Variants in BCAR3 observed in about 807,000 individuals in gnomAD.
The protein encoded by BCAR3 is BCAR3 adaptor protein, NSP family member.
A neutral mutation model predicts 80.1 loss-of-function variants in BCAR3; 37 were observed. The ratio of observed to expected loss-of-function variants is 0.46; its 90% confidence interval spans 0.36 to 0.61. The LOEUF (loss-of-function observed/expected upper bound fraction) is 0.61, where lower values mean the gene tolerates loss of function less well. Ranked by LOEUF, BCAR3 falls within the 20% of genes least tolerant of loss-of-function variation. The pLI, the probability that BCAR3 is intolerant of heterozygous loss-of-function variation, is 0.00. For missense variants in BCAR3, 978 were observed against 1,068.2 expected (o/e 0.92, Z 1.18); for synonymous variants, 389 against 418.9 (o/e 0.93, Z 0.87).
chr1:93,594,607 C>T (rs556778874), intron 3 of BCAR3: 6 of 152,276 alleles, frequency 3.9e-5, no homozygotes, highest in Non-Finnish European at 7.3e-5. Flanking sequence ...TGGGTGTTCC[C>T]GTCACTGGCA....
chr1:93,587,900 C>T (rs527676491), intron 5 of BCAR3, among the ~76,000 whole-genome samples: 1 of 152,190 alleles, frequency 6.6e-6, no homozygotes, highest in Non-Finnish European at 1.5e-5. Context: ...GAAAGACGGG[C>T]CCTATACAAA....
chr1:93,662,361 G>A (rs1647701388), intron 2 of BCAR3, among the ~76,000 whole-genome samples: 1 of 152,050 alleles, frequency 6.6e-6, no homozygotes, highest in Non-Finnish European at 1.5e-5. Context: ...ACTTTCATTT[G>A]TAATGAATGG....
rs1458721907 is a variant in BCAR3 at position 93,562,061 on chromosome 1, C to T, written c.*180G>A. 12 of 514,342 alleles carry T rather than the reference C, an allele frequency of 2.3e-5. No homozygotes were observed. The highest frequency in any genetic ancestry group is 2.2e-4 in the African/African-American group (11 of 51,000). The allele number at this position is 514,342 out of a possible 1,614,324, so 31.9% of individuals were successfully genotyped here. ...TTATTCATTTTAAAATCAGTAGTAA[C>T]TTTAGACAATTCATAAATAAGTGTG... On this transcript the variant is annotated 3_prime_UTR_variant, in exon 12 of 12. Coordinates refer to ENST00000260502, the MANE Select transcript of BCAR3 (RefSeq NM_003567.4).
At chr1:93,785,481 C>G (rs1386367944) in intron 2 of BCAR3, among the ~76,000 whole-genome samples, 1 of 152,084 alleles carries the variant, frequency 6.6e-6, no homozygotes, top group East Asian at 1.9e-4. Flanking sequence ...GCCAGAAATT[C>G]AAATACGTAA....
chr1:93,582,444 A>G lies in BCAR3; in HGVS notation c.1543T>C (p.Phe515Leu), dbSNP rs762678929. The change falls in exon 7 of 12, where the codon TTC becomes CTC. Residue 515 changes from phenylalanine to leucine, a missense_variant. By Grantham distance (22) the Phe-to-Leu change is conservative. Coordinates refer to ENST00000260502, the MANE Select transcript of BCAR3 (RefSeq NM_003567.4). ...TTTGACTCAAACTCGTTGGGCCTGA[A>G]GGAGGAGACAGTCTCCAGGAGGGGC... Reference protein sequence around the residue: ...VTPLLETVSSFRPNEFESKFL... With the variant: ...VTPLLETVSSLRPNEFESKFL... The G allele has an allele frequency of 1.9e-6, 3 of 1,614,058 alleles. No homozygotes were observed. The highest frequency in any genetic ancestry group is 1.3e-5 in the African/African-American group (1 of 74,930).
intron 2 of BCAR3, among the ~76,000 whole-genome samples, chr1:93,719,241 T>C (rs1650297506): frequency 6.6e-6 from 1 of 151,828 alleles, no homozygotes; most frequent in African/African-American, 2.4e-5. Context: ...TGGTTGATGC[T>C]CCATGTTGTA....
chr1:93,691,054 G>A (rs1246315833), intron 3 of BCAR3, among the ~76,000 whole-genome samples: 38 of 152,240 alleles, frequency 2.5e-4, no homozygotes, highest in Admixed American at 2.4e-3. Flanking sequence ...GTCATTCTGG[G>A]GTAAAATATC....
chr1:93,563,105 GT>G (rs148286265), intron 11 of BCAR3, among the ~76,000 whole-genome samples: 180 of 152,272 alleles, frequency 1.2e-3, no homozygotes, highest in African/African-American at 4.2e-3. Flanking sequence ...TGATTCACCT[GT>G]TTTTGGCTGT....
chr1:93,589,033 G>A lies in BCAR3; in HGVS notation c.873C>T (p.Leu291=). 6.2e-7 allele frequency: 1 copy of A among 1,605,610 alleles called. No individual in the cohort carries two copies. The highest frequency in any genetic ancestry group is 1.1e-5 in the South Asian group (1 of 90,622). The change falls in exon 5 of 12, where the codon CTC becomes CTT. Residue 291 remains leucine (L), a synonymous_variant. Coordinates refer to ENST00000260502, the MANE Select transcript of BCAR3 (RefSeq NM_003567.4). ...GRPDVAKRLS[L]TMGGVQAREQ... The stretch of plus-strand genomic sequence containing the variant: ...CTCGGGCCTGGACGCCACCCATGGT[G>A]AGGCTCAGCCTCTTGGCCACATCCG...
At chr1:93,669,967 A>T (rs1018295123) in intron 2 of BCAR3, among the ~76,000 whole-genome samples, 5 of 152,168 alleles carry the variant, frequency 3.3e-5, no homozygotes, top group Admixed American at 6.5e-5. Context: ...GGGATAAAAG[A>T]CTACAAATAG....
intron 5 of BCAR3, among the ~76,000 whole-genome samples, chr1:93,585,413 T>C (rs555492413): frequency 6.6e-6 from 1 of 152,314 alleles, no homozygotes; most frequent in South Asian, 2.1e-4. Context: ...AACAGAAAAG[T>C]GGCTCTATTA....
chr1:93,719,355 T>TC (rs1650307473), intron 2 of BCAR3, among the ~76,000 whole-genome samples: 1 of 144,246 alleles, frequency 6.9e-6, no homozygotes, highest in African/African-American at 2.6e-5. Flanking sequence ...TTTTTTTTTT[T>TC]TTTTGAGACA....
At chr1:93,797,088 A>G (rs1265852374) in intron 2 of BCAR3, among the ~76,000 whole-genome samples, 1 of 152,158 alleles carries the variant, frequency 6.6e-6, no homozygotes, top group Non-Finnish European at 1.5e-5. Context: ...CTGCATCCAA[A>G]ACGACTGGCC....
chr1:93,781,180 A>G (rs1652749913), intron 2 of BCAR3, among the ~76,000 whole-genome samples: 1 of 152,282 alleles, frequency 6.6e-6, no homozygotes, highest in Admixed American at 6.5e-5. Context: ...AAGACAATAC[A>G]AAAGAAACAA....
intron 11 of BCAR3, among the ~76,000 whole-genome samples, chr1:93,565,106 T>A (rs1341482520): frequency 3.3e-5 from 5 of 152,164 alleles, no homozygotes; most frequent in African/African-American, 1.2e-4. Context: ...GTGACTTTTT[T>A]TTTTTTTGAG....
At chr1:93,573,707 C>T (rs944692041) in intron 8 of BCAR3, among the ~76,000 whole-genome samples, 2 of 150,890 alleles carry the variant, frequency 1.3e-5, no homozygotes, top group Non-Finnish European at 2.9e-5. Flanking sequence ...TGGCTCACTG[C>T]AGCCTTGACC....
intron 2 of BCAR3, among the ~76,000 whole-genome samples, chr1:93,715,410 T>A (rs140216896): frequency 6.6e-6 from 1 of 152,314 alleles, no homozygotes; most frequent in Non-Finnish European, 1.5e-5. Context: ...CCCTTTGCAG[T>A]AGGCAGGACC....
chr1:93,664,398 C>G (rs1222110149), intron 2 of BCAR3, among the ~76,000 whole-genome samples: 3 of 152,196 alleles, frequency 2.0e-5, no homozygotes, highest in African/African-American at 7.2e-5. Context: ...GGATTACAGG[C>G]GTGAGCCACC....
intron 5 of BCAR3, among the ~76,000 whole-genome samples, chr1:93,587,782 C>T (rs1674008784): frequency 6.6e-6 from 1 of 151,548 alleles, no homozygotes; most frequent in African/African-American, 2.4e-5. Flanking sequence ...GTCAGGGCTG[C>T]TGTGTGACTG....
Sources: gnomAD v4.1 joint callset for allele counts (sites outside exome capture counted in the v4.1 genomes callset) on GRCh38, gnomAD v4.1.1 for gene constraint, MANE v1.5 for transcripts, NCBI Gene and HGNC (gene_info 2026-07-23, HGNC 2026-07-21) for gene names.